NUDT1: variants seen among roughly 807,000 people sequenced by gnomAD.
NUDT1 encodes nudix hydrolase 1.
In NUDT1, 16 loss-of-function variants were observed where a neutral mutation model predicts 11.3. That is an observed-to-expected ratio of 1.41 (90% CI 0.96 to 2.15). NUDT1 has a LOEUF of 2.15. Ranked by LOEUF, NUDT1 falls within the 30% of genes most tolerant of loss-of-function variation. The pLI is 0.00. For synonymous variants in NUDT1, 101 were observed against 84.4 expected, an observed-to-expected ratio of 1.20 and a Z score of -1.08; for missense variants, 234 against 208.4, an observed-to-expected ratio of 1.12 and a Z score of -0.76.
intron 3 of NUDT1, 38 bp downstream of exon 3, chr7:2,250,040 C>A: frequency 1.9e-6 from 3 of 1,606,824 alleles, no homozygotes; most frequent in Non-Finnish European, 8.5e-7. Flanking sequence ...CCCCACTATG[C>A]GGGTCCCATC....
intron 2 of NUDT1, among the ~76,000 whole-genome samples, chr7:2,246,673 AGAGG>A (rs1461368224): frequency 1.3e-5 from 2 of 152,202 alleles, no homozygotes. Flanking sequence ...TTACACAAAC[AGAGG>A]GACCATCACT....
chr7:2,250,088 C>CT, intron 3 of NUDT1, 86 bp downstream of exon 3: 5 of 1,563,826 alleles, frequency 3.2e-6, no homozygotes, highest in Middle Eastern at 1.8e-4. Context: ...CAAACCATCT[C>CT]TGAGTGCCAG....
intron 2 of NUDT1, among the ~76,000 whole-genome samples, chr7:2,248,796 T>A (rs1040175228): frequency 6.6e-6 from 1 of 152,140 alleles, no homozygotes; most frequent in African/African-American, 2.4e-5. Context: ...AAGCAATCAA[T>A]CCTCCCACCT....
chr7:2,250,786 T>A, intron 3 of NUDT1, 43 bp from the exon 4 acceptor site: 1 of 1,612,878 alleles, frequency 6.2e-7, no homozygotes, highest in Non-Finnish European at 8.5e-7. Context: ...AAGCATGAAG[T>A]TTGGGTTGCA....
intron 2 of NUDT1, among the ~76,000 whole-genome samples, chr7:2,247,508 G>A (rs34023260): frequency 0.013 from 1,923 of 152,316 alleles, 24 homozygotes; most frequent in South Asian, 0.038. Context: ...AAAGACTAGC[G>A]AGGCCGGGGA....
At chr7:2,244,501 C>T in intron 1 of NUDT1, 62 bp from the exon 2 acceptor site, 1 of 1,460,646 alleles carries the variant, frequency 6.8e-7, no homozygotes, top group Non-Finnish European at 9.1e-7. Flanking sequence ...TCCTCCTGGC[C>T]CCTGGCACGT....
chr7:2,243,287 G>A (rs559150807), intron 1 of NUDT1, among the ~76,000 whole-genome samples: 1 of 152,314 alleles, frequency 6.6e-6, no homozygotes, highest in South Asian at 2.1e-4. Flanking sequence ...CAAAAAAACA[G>A]AAATGCCTGT....
At chr7:2,248,761 A>C (rs1279529537) in intron 2 of NUDT1, among the ~76,000 whole-genome samples, 1 of 152,052 alleles carries the variant, frequency 6.6e-6, no homozygotes, top group African/African-American at 2.4e-5. Context: ...CATATTGCCC[A>C]AGCTGGTCTC....
chr7:2,244,789 A>T (rs944438635), intron 2 of NUDT1, 63 bp downstream of exon 2: 262 of 1,556,552 alleles, frequency 1.7e-4, no homozygotes, highest in Non-Finnish European at 2.1e-4. Context: ...TTCGGGCTGT[A>T]GGGCCACACC....
rs748008384 is a variant in NUDT1, at chr7:2,242,985, A to G, written c.-13+729A>G. ...CACGGCGGCTTGGAGAGTGAGTGCAAGGTTTTATGAGTGGAATTAGCCCTC... is the reference window on the plus strand; with the variant it reads ...CACGGCGGCTTGGAGAGTGAGTGCAGGGTTTTATGAGTGGAATTAGCCCTC... On this transcript the variant is annotated intron_variant, in intron 1 of 3. Transcript: ENST00000356714. 5.6e-6 allele frequency: 4 copies of G among 716,794 alleles called. No homozygotes were observed. In the South Asian group the frequency reaches 5.9e-5, roughly 11 times the overall value. The allele number at this position is 716,794 out of a possible 1,614,324, so 44.4% of individuals were successfully genotyped here.
chr7:2,246,959 GGGAGCA>G (rs1794790815), intron 2 of NUDT1, among the ~76,000 whole-genome samples: 2 of 152,160 alleles, frequency 1.3e-5, no homozygotes, highest in Non-Finnish European at 2.9e-5. Context: ...TCCTTCGTTG[GGGAGCA>G]TCTGCAAGCA....
rs554477269 is a variant in NUDT1 at position 2,247,001 on chromosome 7, G to C, written c.152+2275G>C. The stretch of plus-strand genomic sequence containing the variant: ...TGAGGAATGGGGGACACTGGAGCCA[G>C]ACAGGCTGGTGCTTAGGGGTCCCAG... On this transcript the variant is annotated intron_variant, in intron 2 of 3. Transcript: ENST00000356714. Among the ~76,000 whole-genome samples the C allele has an allele frequency of 1.4e-3, 201 of 148,720 alleles. 2 individuals carry two copies. The highest frequency in any genetic ancestry group is 4.7e-3 in the African/African-American group (192 of 40,550).
intron 3 of NUDT1, among the ~76,000 whole-genome samples, chr7:2,250,596 T>A (rs1584648525): frequency 6.6e-6 from 1 of 152,064 alleles, no homozygotes; most frequent in African/African-American, 2.4e-5. Context: ...TAGCTGGGAC[T>A]ACAGGCGCCC....
Position 2,251,095 on chromosome 7 carries a change from T to A in NUDT1, c.*94T>A. 1 of 1,328,394 alleles carries A rather than the reference T, an allele frequency of 7.5e-7. No individual in the cohort carries two copies. The highest frequency in any genetic ancestry group is 1.2e-5 in the South Asian group (1 of 84,720). The allele number at this position is 1,328,394 out of a possible 1,614,324, so 82.3% of individuals were successfully genotyped here. The stretch of plus-strand genomic sequence containing the variant: ...GGGCATTGAGTGGCGCAGAGCCGGG[T>A]TTCATCTGGAATTAACTGGATGGAA... On this transcript the variant is annotated 3_prime_UTR_variant, in exon 4 of 4. Coordinates refer to ENST00000356714, the MANE Select transcript of NUDT1 (RefSeq NM_002452.4).
chr7:2,244,105 G>T, intron 1 of NUDT1, among the ~76,000 whole-genome samples: 1 of 152,218 alleles, frequency 6.6e-6, no homozygotes, highest in East Asian at 1.9e-4. Flanking sequence ...TAGACTGAAA[G>T]AAGTTCCTGT....
At chr7:2,244,462 C>T (rs1022891480) in intron 1 of NUDT1, 101 bp from the exon 2 acceptor site, 12 of 921,640 alleles carry the variant, frequency 1.3e-5, no homozygotes, top group African/African-American at 3.4e-5. Context: ...ACCCCCCCGC[C>T]CCCCACTGCC....
chr7:2,245,771 C>G (rs1001802376), intron 2 of NUDT1, among the ~76,000 whole-genome samples: 2 of 151,882 alleles, frequency 1.3e-5, no homozygotes, highest in African/African-American at 4.8e-5. Flanking sequence ...CTCCCAGGCT[C>G]AAGCGATCCT....
intron 2 of NUDT1, 105 bp downstream of exon 2, chr7:2,244,831 G>A: frequency 5.1e-6 from 7 of 1,372,632 alleles, no homozygotes; most frequent in South Asian, 1.3e-5. Context: ...TAAGTGACCT[G>A]GAGCAGGGGG....
chr7:2,245,500 C>G (rs1368697844), intron 2 of NUDT1, among the ~76,000 whole-genome samples: 1 of 152,220 alleles, frequency 6.6e-6, no homozygotes, highest in Non-Finnish European at 1.5e-5. Context: ...AGTGTACACA[C>G]TCAGGTGTGC....
Sources: gnomAD v4.1 joint callset for allele counts (sites outside exome capture counted in the v4.1 genomes callset) on GRCh38, gnomAD v4.1.1 for gene constraint, MANE v1.5 for transcripts, NCBI Gene and HGNC (gene_info 2026-07-23, HGNC 2026-07-21) for gene names.